NFIA: variants seen among roughly 807,000 people sequenced by gnomAD.
The protein encoded by NFIA is nuclear factor 1 A-type.
A neutral mutation model predicts 62.8 loss-of-function variants in NFIA; 8 were observed. The observed-to-expected ratio is 0.13, with a 90% CI of 0.07 to 0.23. NFIA has a LOEUF of 0.23. Ranked by LOEUF, NFIA falls within the 10% of genes least tolerant of loss-of-function variation. The pLI is 1.00. For missense variants in NFIA, 410 were observed against 642.1 expected, an observed-to-expected ratio of 0.64 and a Z score of 3.91; for synonymous variants, 235 against 238.1, an observed-to-expected ratio of 0.99 and a Z score of 0.12.
intron 7 of NFIA, among the ~76,000 whole-genome samples, chr1:61,392,397 T>G (rs950969216): frequency 6.6e-6 from 1 of 151,948 alleles, no homozygotes; most frequent in African/African-American, 2.4e-5. Flanking sequence ...GTACCTTTAT[T>G]GTATTGTAAA....
At chr1:61,335,365 C>CA (rs145757756) in intron 4 of NFIA, among the ~76,000 whole-genome samples, 3,222 of 152,298 alleles carry the variant, frequency 0.021, 134 homozygotes, top group African/African-American at 0.074. Context: ...GTCACCTACG[C>CA]ACCCTCCTGA....
chr1:61,460,886 G>C lies in NFIA; in HGVS notation c.*5566G>C, dbSNP rs1215311313. ...AGTCTTTTTTTCCGACTTGGTTCTT[G>C]TCAGCTAGGTTTAAAGGTATTTCAC... On this transcript the variant is annotated 3_prime_UTR_variant, in exon 11 of 11. Coordinates refer to ENST00000403491, the MANE Select transcript of NFIA (RefSeq NM_001134673.4). 6.6e-6 allele frequency: 1 copy of C among 152,122 alleles called. No homozygotes were observed. The allele number at this position is 152,122 out of a possible 1,614,324, so 9.4% of individuals were successfully genotyped here. A position where few individuals can be genotyped will look rare whatever the true frequency, so the allele number is the denominator to read the frequency against.
chr1:61,137,947 C>T, intron 2 of NFIA, among the ~76,000 whole-genome samples: 1 of 150,698 alleles, frequency 6.6e-6, no homozygotes, highest in Non-Finnish European at 1.5e-5. Flanking sequence ...TCTCTCTCTC[C>T]CACCTCTTTT....
At chr1:61,327,461 C>T (rs949748886) in intron 3 of NFIA, among the ~76,000 whole-genome samples, 18 of 151,912 alleles carry the variant, frequency 1.2e-4, no homozygotes, top group Non-Finnish European at 8.8e-5. Flanking sequence ...ACTCTGTATA[C>T]GTCTGCACAC....
At chr1:61,336,583 A>C (rs888241153) in intron 4 of NFIA, among the ~76,000 whole-genome samples, 9 of 152,214 alleles carry the variant, frequency 5.9e-5, no homozygotes, top group Non-Finnish European at 1.2e-4. Context: ...GTGGGTTTTG[A>C]CAAATGCATA....
intron 10 of NFIA, among the ~76,000 whole-genome samples, chr1:61,444,235 T>C (rs1226548172): frequency 6.6e-6 from 1 of 152,210 alleles, no homozygotes; most frequent in African/African-American, 2.4e-5. Context: ...TTTTCAACTA[T>C]AATGTTAACT....
intron 7 of NFIA, among the ~76,000 whole-genome samples, chr1:61,403,493 A>G (rs1330067962): frequency 6.6e-6 from 1 of 152,178 alleles, no homozygotes; most frequent in African/African-American, 2.4e-5. Context: ...CCCTGCTGTA[A>G]CATATGTGCA....
At chr1:61,101,234 G>C (rs747464563) in intron 2 of NFIA, among the ~76,000 whole-genome samples, 1 of 151,674 alleles carries the variant, frequency 6.6e-6, no homozygotes, top group Non-Finnish European at 1.5e-5. Flanking sequence ...CGTCTCTACT[G>C]AAAATACAAA....
At chr1:61,400,631 G>A (rs1665505822) in intron 7 of NFIA, among the ~76,000 whole-genome samples, 4 of 152,042 alleles carry the variant, frequency 2.6e-5, no homozygotes, top group African/African-American at 9.7e-5. Context: ...AATTTTTTAT[G>A]GTGTCAACTA....
At chr1:61,295,175 C>T (rs1659123316) in intron 3 of NFIA, among the ~76,000 whole-genome samples, 1 of 152,182 alleles carries the variant, frequency 6.6e-6, no homozygotes, top group Non-Finnish European at 1.5e-5. Flanking sequence ...AAGTGCAGCA[C>T]TCTGACAGAA....
chr1:61,287,502 G>T (rs943474312), intron 3 of NFIA, among the ~76,000 whole-genome samples: 1 of 152,030 alleles, frequency 6.6e-6, no homozygotes, highest in East Asian at 1.9e-4. Context: ...GGTGGATTTT[G>T]TTCCTAAATA....
intron 3 of NFIA, among the ~76,000 whole-genome samples, chr1:61,313,724 G>A (rs760520262): frequency 1.3e-5 from 2 of 152,144 alleles, no homozygotes; most frequent in Non-Finnish European, 2.9e-5. Flanking sequence ...ACTTAGATGT[G>A]CACATCAGGA....
intron 2 of NFIA, among the ~76,000 whole-genome samples, chr1:61,182,076 AC>A (rs1377531232): frequency 2.6e-4 from 40 of 152,280 alleles, no homozygotes; most frequent in African/African-American, 8.7e-4. Context: ...ATATATAAAA[AC>A]TATTTTTACT....
rs189510137 is a variant in NFIA, at chr1:61,316,083, C to G, written c.626-16429C>G. On this transcript the variant is annotated intron_variant, in intron 3 of 10. Transcript: ENST00000403491. The stretch of plus-strand genomic sequence containing the variant: ...CCAATCTTCAAAATCAAGATTCTTC[C>G]AGAAAGTCCAAATTGTCGAGTTTAT... Among the ~76,000 whole-genome samples, 350 of 152,244 alleles carry G rather than the reference C, an allele frequency of 2.3e-3. 3 individuals carry two copies. In the Middle Eastern group the frequency reaches 0.041, roughly 18 times the overall value.
chr1:61,136,083 T>C (rs1194848195), intron 2 of NFIA, among the ~76,000 whole-genome samples: 1 of 152,242 alleles, frequency 6.6e-6, no homozygotes, highest in Non-Finnish European at 1.5e-5. Context: ...CATTTGTCCA[T>C]GCATTCTTTT....
chr1:61,174,870 T>C (rs1650217901), intron 2 of NFIA, among the ~76,000 whole-genome samples: 1 of 152,174 alleles, frequency 6.6e-6, no homozygotes, highest in Admixed American at 6.5e-5. Context: ...CTAGCATTTT[T>C]GGATGCACTT....
At chr1:61,377,860 A>G (rs1299789479) in intron 6 of NFIA, among the ~76,000 whole-genome samples, 2 of 152,226 alleles carry the variant, frequency 1.3e-5, no homozygotes, top group African/African-American at 4.8e-5. Flanking sequence ...AGTAAGCACT[A>G]ACACTGAGAA....
chr1:61,112,660 C>T (rs1000650136), intron 2 of NFIA, among the ~76,000 whole-genome samples: 1 of 152,110 alleles, frequency 6.6e-6, no homozygotes, highest in African/African-American at 2.4e-5. Flanking sequence ...GTTTAATGGC[C>T]ACCCAATTGC....
At chr1:61,294,773 C>G (rs996377081) in intron 3 of NFIA, among the ~76,000 whole-genome samples, 2 of 152,150 alleles carry the variant, frequency 1.3e-5, no homozygotes, top group Admixed American at 6.5e-5. Context: ...CGCTATATCC[C>G]TGTTGTCTGG....
Sources: allele counts gnomAD v4.1 joint callset (sites outside exome capture counted in the v4.1 genomes callset), GRCh38; gene constraint gnomAD v4.1.1; transcripts MANE v1.5; gene names NCBI Gene and HGNC (gene_info 2026-07-23, HGNC 2026-07-21).